Variants in ITGA9 observed in about 807,000 individuals in gnomAD.
ITGA9 encodes the protein integrin alpha-9.
ITGA9 carries 56 observed loss-of-function variants against 127.8 expected under a neutral mutation model. The observed-to-expected ratio is 0.44, with a 90% CI of 0.35 to 0.55. The LOEUF (loss-of-function observed/expected upper bound fraction) is 0.55, where lower values mean the gene tolerates loss of function less well. ITGA9 is among the 20% of genes least tolerant of loss of function. The probability of loss-of-function intolerance (pLI) is 0.00; values close to 1 mark genes in which losing one functional copy is unlikely to be tolerated. For missense variants in ITGA9, 1,196 were observed against 1,347.1 expected (o/e 0.89, Z 1.76); for synonymous variants, 508 against 514.5 (o/e 0.99, Z 0.17).
Position 37,779,993 on chromosome 3 carries a change from T to C in ITGA9, c.2759T>C (p.Met920Thr), listed in dbSNP as rs922565659. 1.2e-6 allele frequency: 2 copies of C among 1,614,122 alleles called. No homozygotes were observed. The highest frequency in any genetic ancestry group is 1.6e-4 in the Middle Eastern group (1 of 6,062). The change falls in exon 25 of 28, where the codon ATG (methionine) becomes ACG (threonine). Residue 920 changes from methionine to threonine, a missense_variant. Physicochemically the swap from Met to Thr is moderately conservative, Grantham distance 81. Transcript: ENST00000264741. ...KEESRTIDIY[M>T]LLNTEILKKD... ...GAAAGTCGTACTATAGACATTTACATGCTGCTGAACACAGAAATACTGAAA... is the reference window on the plus strand; with the variant it reads ...GAAAGTCGTACTATAGACATTTACACGCTGCTGAACACAGAAATACTGAAA...
At chr3:37,669,110 T>C (rs986749925) in intron 17 of ITGA9, among the ~76,000 whole-genome samples, 1 of 152,190 alleles carries the variant, frequency 6.6e-6, no homozygotes, top group Non-Finnish European at 1.5e-5. Context: ...CTTCCCTGAC[T>C]CCATTCCAGG....
chr3:37,807,074 G>C (rs67441479), intron 27 of ITGA9: 13,015 of 152,276 alleles, frequency 0.085, 754 homozygotes, highest in African/African-American at 0.17. Context: ...CCAAGGAGGA[G>C]GGAGGATTAA....
chr3:37,463,926 A>G (rs777285174), intron 1 of ITGA9, among the ~76,000 whole-genome samples: 1 of 152,246 alleles, frequency 6.6e-6, no homozygotes, highest in Non-Finnish European at 1.5e-5. Context: ...TGCAGTGGGA[A>G]TACATGTGTC....
chr3:37,530,875 C>T (rs1699144494), intron 13 of ITGA9, among the ~76,000 whole-genome samples: 1 of 151,482 alleles, frequency 6.6e-6, no homozygotes, highest in South Asian at 2.1e-4. Context: ...CCTCAGCCTC[C>T]CAAGTAGCTG....
chr3:37,597,874 G>A lies in ITGA9; in HGVS notation c.1690-31313G>A, dbSNP rs963323741. Among the ~76,000 whole-genome samples the A allele has an allele frequency of 6.6e-6, 1 of 152,162 alleles. No homozygotes were observed. The highest frequency in any genetic ancestry group is 1.5e-5 in the Non-Finnish European group (1 of 68,034). On this transcript the variant is annotated intron_variant, in intron 15 of 27. Coordinates refer to ENST00000264741, the MANE Select transcript of ITGA9 (RefSeq NM_002207.3). This position sits in a 1 kb window ranked among gnomAD's most constrained non-coding sequence, Gnocchi z 4.6. Reference sequence around the variant, plus strand: ...TAGACTGGCATTGGCTGGGGTGACTGGGGCAACTCAGCACCGCTCCATGCA... The same window carrying A: ...TAGACTGGCATTGGCTGGGGTGACTAGGGCAACTCAGCACCGCTCCATGCA...
intron 16 of ITGA9, among the ~76,000 whole-genome samples, chr3:37,638,225 CAT>C (rs745831248): frequency 9.9e-5 from 15 of 151,950 alleles, no homozygotes; most frequent in Non-Finnish European, 2.1e-4. Flanking sequence ...TCAAAAGAAA[CAT>C]AAACGGACGT....
intron 15 of ITGA9, among the ~76,000 whole-genome samples, chr3:37,626,635 G>A (rs1044365871): frequency 6.6e-6 from 1 of 152,240 alleles, no homozygotes; most frequent in African/African-American, 2.4e-5. Context: ...AGTGAGCTAT[G>A]ATTGTCCCAC....
intron 18 of ITGA9, among the ~76,000 whole-genome samples, chr3:37,696,394 G>A (rs532761666): frequency 3.2e-4 from 49 of 152,262 alleles, no homozygotes; most frequent in African/African-American, 1.1e-3. Flanking sequence ...TTATCTGTCC[G>A]CCTTATCTAT....
At chr3:37,684,245 G>A (rs1048924775) in intron 18 of ITGA9, among the ~76,000 whole-genome samples, 1 of 152,150 alleles carries the variant, frequency 6.6e-6, no homozygotes, top group African/African-American at 2.4e-5. Flanking sequence ...TATTTATGTA[G>A]TCTCCCATCC....
chr3:37,637,659 ATGTTTT>A (rs71094919), intron 16 of ITGA9, among the ~76,000 whole-genome samples: 1,756 of 150,930 alleles, frequency 0.012, 25 homozygotes, highest in African/African-American at 0.036. Context: ...CCAGCAAACT[ATGTTTT>A]TGTTTTTGTT....
At chr3:37,540,300 C>T (rs1481061479) in intron 14 of ITGA9, among the ~76,000 whole-genome samples, 1 of 152,242 alleles carries the variant, frequency 6.6e-6, no homozygotes, top group African/African-American at 2.4e-5. Context: ...CAACTGTGGC[C>T]TCTGGCTTGT....
intron 16 of ITGA9, among the ~76,000 whole-genome samples, chr3:37,642,022 C>T (rs4678982): frequency 0.19 from 29,206 of 152,068 alleles, 2,837 homozygotes; most frequent in East Asian, 0.23. Flanking sequence ...ACTGCAGCCT[C>T]GACTTTCCAG....
intron 16 of ITGA9, among the ~76,000 whole-genome samples, chr3:37,638,103 T>C (rs146385518): frequency 1.8e-4 from 28 of 152,264 alleles, no homozygotes; most frequent in Admixed American, 7.8e-4. Context: ...GGGATCGTTA[T>C]GTGAGATAAA....
intron 15 of ITGA9, among the ~76,000 whole-genome samples, chr3:37,595,679 C>T (rs1699862610): frequency 6.6e-6 from 1 of 152,200 alleles, no homozygotes; most frequent in East Asian, 1.9e-4. Flanking sequence ...CATTCCATTC[C>T]TTTCCCGGCG....
In ITGA9 at chr3:37,822,572, A is replaced by T. The variant is rs1697527373; in HGVS notation, c.*3583A>T. On this transcript the variant is annotated 3_prime_UTR_variant, in exon 28 of 28. Coordinates refer to ENST00000264741, the MANE Select transcript of ITGA9 (RefSeq NM_002207.3). ...TCATGGGTACTCAGAGGTATGGTAG[A>T]CCTTGTAGAAGATCCACTAGGAAGT... 6.6e-6 allele frequency: 1 copy of T among 152,204 alleles called. No individual in the cohort carries two copies. Among genetic ancestry groups the T allele is most frequent in the African/African-American group, 2.4e-5 (1 of 41,456 alleles). The allele number at this position is 152,204 out of a possible 1,614,324, so 9.4% of individuals were successfully genotyped here.
intron 26 of ITGA9, among the ~76,000 whole-genome samples, chr3:37,787,915 A>C (rs528234537): frequency 2.1e-4 from 32 of 152,360 alleles, no homozygotes; most frequent in South Asian, 1.2e-3. Flanking sequence ...CACGGTGGTA[A>C]ATTTAACTGA....
intron 15 of ITGA9, among the ~76,000 whole-genome samples, chr3:37,576,009 A>G (rs1699650817): frequency 6.6e-6 from 1 of 152,252 alleles, no homozygotes; most frequent in Non-Finnish European, 1.5e-5. Flanking sequence ...GATTCTCAGA[A>G]GAAGCCATGA....
chr3:37,753,352 G>A (rs1018714369), intron 23 of ITGA9, among the ~76,000 whole-genome samples: 1 of 152,196 alleles, frequency 6.6e-6, no homozygotes, highest in Non-Finnish European at 1.5e-5. Flanking sequence ...TTGTAATACC[G>A]TATAACAAAT....
chr3:37,634,904 C>G (rs1473692075), intron 16 of ITGA9, among the ~76,000 whole-genome samples: 3 of 152,046 alleles, frequency 2.0e-5, no homozygotes, highest in Admixed American at 1.3e-4. Context: ...TCTTTTCTGA[C>G]CACAATGGTA....
Sources: allele counts gnomAD v4.1 joint callset (sites outside exome capture counted in the v4.1 genomes callset), GRCh38; gene constraint gnomAD v4.1.1; non-coding constraint Gnocchi (gnomAD v3.1); transcripts MANE v1.5; gene names NCBI Gene and HGNC (gene_info 2026-07-23, HGNC 2026-07-21).